Variants in SOS1 observed in about 807,000 individuals in gnomAD.
SOS1 encodes the protein son of sevenless homolog 1.
SOS1 carries 25 observed loss-of-function variants against 157.6 expected under a neutral mutation model. That is an observed-to-expected ratio of 0.16 (90% CI 0.12 to 0.22). The LOEUF (loss-of-function observed/expected upper bound fraction) is 0.22. Among genes scored for constraint, SOS1 ranks in the 10% least tolerant of loss-of-function variants. SOS1 has a pLI of 1.00. For missense variants in SOS1, 1,237 were observed against 1,599.1 expected, an observed-to-expected ratio of 0.77 and a Z score of 3.86; for synonymous variants, 528 against 534.0, an observed-to-expected ratio of 0.99 and a Z score of 0.16.
intron 17 of SOS1, among the ~76,000 whole-genome samples, chr2:39,000,906 T>C (rs1316358188): frequency 6.6e-6 from 1 of 152,150 alleles, no homozygotes; most frequent in African/African-American, 2.4e-5. Context: ...AATTCTAAAA[T>C]AGCTGGAAAG....
intron 8 of SOS1, among the ~76,000 whole-genome samples, chr2:39,033,156 C>T (rs1453553110): frequency 3.4e-5 from 5 of 144,934 alleles, no homozygotes; most frequent in African/African-American, 1.0e-4. Flanking sequence ...CTGCAACCTT[C>T]GCCTCCCAGG....
chr2:39,014,023 T>A lies in SOS1; in HGVS notation c.1941-34A>T, dbSNP rs143716812. 6.5e-4 allele frequency: 980 copies of A among 1,518,964 alleles called. 8 individuals carry two copies. In the African/African-American group the frequency reaches 0.012, roughly 19 times the overall value. 94.1% of individuals were successfully genotyped at this position (1,518,964 alleles called of 1,614,324 possible). The stretch of plus-strand genomic sequence containing the variant: ...AAATAGAACAAATTAATGAAAAGAC[T>A]AATTATATCGAGTTATACAAATAGA... On this transcript the variant is annotated intron_variant, in intron 11 of 22. Transcript: ENST00000402219.
At chr2:39,009,327 TAAAC>T (rs1304614000) in intron 15 of SOS1, among the ~76,000 whole-genome samples, 1 of 152,102 alleles carries the variant, frequency 6.6e-6, no homozygotes, top group Non-Finnish European at 1.5e-5. Context: ...TTTTCCCAGA[TAAAC>T]AAAAACTGAG....
chr2:39,024,483 G>GT lies in SOS1; in HGVS notation c.1075-347dup, dbSNP rs113330424. On this transcript the variant is annotated intron_variant, in intron 8 of 22. Transcript: ENST00000402219. ...GCATACCACTAAGCATGTAGACGAG[G>GT]TTTTTTTTTTTTTAAGTGTGGAATT... Among the ~76,000 whole-genome samples, 980 of 144,834 alleles carry GT rather than the reference G, an allele frequency of 6.8e-3. 9 individuals are homozygous for GT. The highest frequency in any genetic ancestry group is 0.017 in the African/African-American group (689 of 40,420).
At chr2:39,092,241 T>C (rs297141) in intron 1 of SOS1, among the ~76,000 whole-genome samples, 142,037 of 152,150 alleles carry the variant, frequency 0.93, 66,414 homozygotes, top group African/African-American at 0.97. Context: ...ACTCTTTCAC[T>C]CAGGCTGGAG....
At chr2:39,046,528 G>A (rs1209885013) in intron 6 of SOS1, among the ~76,000 whole-genome samples, 18 of 125,968 alleles carry the variant, frequency 1.4e-4, no homozygotes, top group Non-Finnish European at 9.3e-5. Flanking sequence ...TTTTTGAGAC[G>A]GAGTCTCGCT....
intron 1 of SOS1, among the ~76,000 whole-genome samples, chr2:39,089,144 T>C (rs969296779): frequency 8.5e-5 from 13 of 152,156 alleles, no homozygotes; most frequent in Non-Finnish European, 1.8e-4. Context: ...GATCATATTC[T>C]TCATAAAACA....
chr2:38,987,838 A>G (rs1426089414), intron 21 of SOS1: 11 of 440,634 alleles, frequency 2.5e-5, no homozygotes, highest in South Asian at 1.2e-4. Flanking sequence ...CCTGAACAAA[A>G]TAACATTCCC....
intron 6 of SOS1, among the ~76,000 whole-genome samples, chr2:39,041,788 T>C (rs931458770): frequency 2.6e-5 from 4 of 152,228 alleles, no homozygotes; most frequent in Non-Finnish European, 5.9e-5. Flanking sequence ...TCCTTTCTGG[T>C]TTACTCTATG....
intron 8 of SOS1, among the ~76,000 whole-genome samples, chr2:39,029,091 G>T (rs1361276493): frequency 1.3e-5 from 2 of 152,112 alleles, no homozygotes; most frequent in African/African-American, 4.8e-5. Context: ...GGAAAGAAAG[G>T]TCATGACATT....
At position 39,051,245 on chromosome 2, in the gene SOS1, G is replaced by A. The variant is rs1671007199; in HGVS notation, c.763C>T (p.Leu255Phe). Residue 255 changes from leucine to phenylalanine, a missense_variant, in exon 6 of 23, where the codon CTT becomes TTT. By Grantham distance (22) the Leu-to-Phe change is conservative. Coordinates refer to ENST00000402219, the MANE Select transcript of SOS1 (RefSeq NM_005633.4). ...IFSRIVDIHE[L>F]SVKLLGHIED... ...ATATGGCCCAGTAACTTTACACTAA[G>A]TTCATGTATATCTACTATGCGACTA... is the stretch of plus-strand genomic sequence containing the variant. 8 of 1,611,824 alleles carry A rather than the reference G, an allele frequency of 5.0e-6. No individual in the cohort carries two copies. Among genetic ancestry groups the A allele is most frequent in the Non-Finnish European group, 6.8e-6 (8 of 1,178,044 alleles).
intron 6 of SOS1, among the ~76,000 whole-genome samples, chr2:39,044,864 G>GCGCGCACACACACACA (rs147443441): frequency 2.7e-5 from 4 of 147,660 alleles, no homozygotes; most frequent in Non-Finnish European, 6.0e-5. Context: ...GCGCGCGCGC[G>GCGCGCACACACACACA]CACACACACA....
intron 8 of SOS1, among the ~76,000 whole-genome samples, chr2:39,032,936 G>A (rs1255830530): frequency 6.6e-6 from 1 of 151,954 alleles, no homozygotes; most frequent in African/African-American, 2.4e-5. Flanking sequence ...CTGCACTCCA[G>A]CCTGGAGAGG....
intron 10 of SOS1, among the ~76,000 whole-genome samples, chr2:39,020,995 A>C (rs1669777392): frequency 6.6e-6 from 1 of 151,790 alleles, no homozygotes; most frequent in Admixed American, 6.6e-5. Flanking sequence ...AAATAATCTC[A>C]TCAACTTAAA....
intron 1 of SOS1, among the ~76,000 whole-genome samples, chr2:39,071,689 A>G (rs6734212): frequency 0.083 from 12,687 of 152,252 alleles, 1,888 homozygotes; most frequent in African/African-American, 0.29. Context: ...TCAAGAAAGT[A>G]TGATTAAGTT....
chr2:39,075,003 T>A (rs534378305), intron 1 of SOS1, among the ~76,000 whole-genome samples: 1 of 150,878 alleles, frequency 6.6e-6, no homozygotes, highest in African/African-American at 2.4e-5. Flanking sequence ...TGCTAAGGAG[T>A]TGGGAAGTGA....
At chr2:39,039,318 A>G (rs1359270533) in intron 6 of SOS1, among the ~76,000 whole-genome samples, 2 of 152,210 alleles carry the variant, frequency 1.3e-5, no homozygotes, top group African/African-American at 2.4e-5. Flanking sequence ...TAGTGTGCAC[A>G]TATGCATGAA....
chr2:39,007,463 G>A (rs931627713), intron 15 of SOS1: 4 of 412,152 alleles, frequency 9.7e-6, no homozygotes, highest in African/African-American at 8.1e-5. Context: ...GAATTAACTG[G>A]TGAGGCCACT....
chr2:39,116,376 C>A (rs1236258886), intron 1 of SOS1, among the ~76,000 whole-genome samples: 1 of 152,176 alleles, frequency 6.6e-6, no homozygotes, highest in African/African-American at 2.4e-5. Flanking sequence ...TTGTAAACTT[C>A]TTTCAAATAA....
Sources: gnomAD v4.1 joint callset for allele counts (sites outside exome capture counted in the v4.1 genomes callset) on GRCh38, gnomAD v4.1.1 for gene constraint, MANE v1.5 for transcripts, NCBI Gene and HGNC (gene_info 2026-07-23, HGNC 2026-07-21) for gene names.